The following OCA2 variants were observed in gnomAD, a reference collection of about 807,000 sequenced individuals.
OCA2 encodes P protein.
OCA2 carries 77 observed loss-of-function variants against 100.2 expected under a neutral mutation model. The observed-to-expected ratio is 0.77, with a 90% CI of 0.64 to 0.93. The LOEUF (loss-of-function observed/expected upper bound fraction) is 0.93, where lower values mean the gene tolerates loss of function less well. OCA2 is among the 40% of genes least tolerant of loss of function. OCA2 has a pLI of 0.00. For synonymous variants in OCA2, 432 were observed against 439.2 expected (o/e 0.98, Z 0.21); for missense variants, 1,062 against 1,089.1 (o/e 0.98, Z 0.35).
intron 19 of OCA2, among the ~76,000 whole-genome samples, chr15:27,888,031 A>G (rs889865878): frequency 3.1e-4 from 47 of 152,248 alleles, no homozygotes; most frequent in African/African-American, 1.1e-3. Flanking sequence ...CACATGGCTC[A>G]TGAAATGTTC....
At chr15:27,964,817 CA>C (rs1253122563) in intron 15 of OCA2, among the ~76,000 whole-genome samples, 1 of 152,162 alleles carries the variant, frequency 6.6e-6, no homozygotes, top group Non-Finnish European at 1.5e-5. Flanking sequence ...TGGCACAGAG[CA>C]ATCACCCCAC....
At chr15:27,779,820 T>C (rs115606497) in intron 23 of OCA2, among the ~76,000 whole-genome samples, 117 of 152,344 alleles carry the variant, frequency 7.7e-4, no homozygotes, top group African/African-American at 2.8e-3. Flanking sequence ...GTTTTCTGTT[T>C]GTCTTATAGC....
intron 23 of OCA2, among the ~76,000 whole-genome samples, chr15:27,814,945 T>TAGGG (rs71132822): frequency 9.3e-6 from 1 of 107,352 alleles, no homozygotes; most frequent in African/African-American, 3.4e-5. Flanking sequence ...GATAGATAGA[T>TAGGG]ACAGAGATAT....
the OCA2 span, among the ~76,000 whole-genome samples, chr15:27,727,428 C>T: frequency 9.4e-4 from 143 of 152,314 alleles, no homozygotes; most frequent in African/African-American, 2.3e-3. Flanking sequence ...GATGTGATCA[C>T]AGATGTTACC....
At chr15:28,032,229 A>T in intron 2 of OCA2, 66 bp from the exon 3 acceptor site, 1 of 1,201,948 alleles carries the variant, frequency 8.3e-7, no homozygotes, top group Non-Finnish European at 1.2e-6. Flanking sequence ...CCCAGCACTC[A>T]GGTGCTAGAT....
chr15:28,074,008 AC>A, intron 2 of OCA2, among the ~76,000 whole-genome samples: 1 of 130,430 alleles, frequency 7.7e-6, no homozygotes, highest in Non-Finnish European at 1.5e-5. Context: ...AGACAGACAC[AC>A]ACACACACAC....
At position 27,757,584 on chromosome 15, in the gene OCA2, C is replaced by T. The variant is rs76154437; in HGVS notation, c.2433-2112G>A. 4.4e-3 allele frequency among the ~76,000 whole-genome samples: 664 copies of T among 152,358 alleles called. 17 individuals carry two copies. The East Asian group carries it at 0.065, about 15-fold the overall frequency. ...TACCACAATACACTAGCTTAGGGCT[C>T]TAGTTTTCAATTCCTGCTCTTGCCC... On this transcript the variant is annotated intron_variant, in intron 23 of 23. Transcript: ENST00000354638.
chr15:27,883,075 T>C, intron 19 of OCA2, among the ~76,000 whole-genome samples: 1 of 152,146 alleles, frequency 6.6e-6, no homozygotes, highest in East Asian at 1.9e-4. Flanking sequence ...GGGGGGCTTC[T>C]TTGGCTCTCT....
At chr15:27,846,632 G>A (rs1453097074) in intron 22 of OCA2, among the ~76,000 whole-genome samples, 11 of 152,216 alleles carry the variant, frequency 7.2e-5, no homozygotes. Context: ...CCTGTCTGCT[G>A]TGGGCGTGGA....
chr15:27,974,048 T>C (rs1317146397), intron 14 of OCA2, among the ~76,000 whole-genome samples: 2 of 152,240 alleles, frequency 1.3e-5, no homozygotes, highest in Admixed American at 6.5e-5. Context: ...CCTGAGATTT[T>C]ACTGAATTCA....
intron 2 of OCA2, among the ~76,000 whole-genome samples, chr15:28,076,908 A>ATT (rs2044448553): frequency 6.6e-6 from 1 of 151,964 alleles, no homozygotes; most frequent in Non-Finnish European, 1.5e-5. Context: ...CTGACAACCA[A>ATT]TTGTATTTAA....
At chr15:27,735,673 C>G in the OCA2 span, among the ~76,000 whole-genome samples, 1 of 152,040 alleles carries the variant, frequency 6.6e-6, no homozygotes, top group South Asian at 2.1e-4. Context: ...GATTTCTCAG[C>G]AGAAACCTTA....
chr15:27,871,087 G>T, intron 21 of OCA2, 67 bp downstream of exon 21: 1 of 1,168,816 alleles, frequency 8.6e-7, no homozygotes, highest in South Asian at 1.2e-5. Context: ...GCCTTAGGAA[G>T]GGAGGGTGAG....
chr15:27,946,769 A>G (rs1181238523), intron 18 of OCA2, among the ~76,000 whole-genome samples: 1 of 152,214 alleles, frequency 6.6e-6, no homozygotes, highest in East Asian at 1.9e-4. Flanking sequence ...AATCTTTCCC[A>G]AGGCAGGTCA....
intron 2 of OCA2, among the ~76,000 whole-genome samples, chr15:28,080,209 G>A (rs1299680237): frequency 6.6e-6 from 1 of 152,144 alleles, no homozygotes; most frequent in African/African-American, 2.4e-5. Flanking sequence ...CAAGCTCCTC[G>A]CTGGGAGAAG....
At chr15:27,893,584 G>T (rs1484508818) in intron 19 of OCA2, among the ~76,000 whole-genome samples, 1 of 152,056 alleles carries the variant, frequency 6.6e-6, no homozygotes, top group Non-Finnish European at 1.5e-5. Context: ...ATGCATTCCT[G>T]GGGGGAGGTC....
In OCA2 at chr15:27,895,855, G is replaced by T. The variant is rs536269561; in HGVS notation, c.2080-23933C>A. ...AATACAACACACCCAAATACAGGAT[G>T]ATAGTTTGTGTAACACACAGAGATA... On this transcript the variant is annotated intron_variant, in intron 19 of 23. Coordinates refer to ENST00000354638, the MANE Select transcript of OCA2 (RefSeq NM_000275.3). The T allele has an allele frequency of 3.7e-4, 200 of 546,428 alleles. 1 individual carries two copies. In the South Asian group the frequency reaches 3.8e-3, roughly 10 times the overall value. 33.8% of individuals were successfully genotyped at this position (546,428 alleles called of 1,614,324 possible).
chr15:27,737,807 A>C, the OCA2 span, among the ~76,000 whole-genome samples: 70,518 of 152,068 alleles, frequency 0.46, 17,152 homozygotes, highest in Non-Finnish European at 0.53. Flanking sequence ...GTAACAAGGC[A>C]GTCATTGATC....
intron 19 of OCA2, among the ~76,000 whole-genome samples, chr15:27,918,543 C>T (rs955644128): frequency 1.3e-5 from 2 of 152,220 alleles, no homozygotes; most frequent in African/African-American, 2.4e-5. Context: ...TTAACGTCCA[C>T]ATCAACAAAG....
Sources: gnomAD v4.1 joint callset for allele counts (sites outside exome capture counted in the v4.1 genomes callset) on GRCh38, gnomAD v4.1.1 for gene constraint, MANE v1.5 for transcripts, NCBI Gene and HGNC (gene_info 2026-07-23, HGNC 2026-07-21) for gene names.